The following CALHM5 variants were observed in gnomAD, a reference collection of about 807,000 sequenced individuals.
CALHM5 encodes calcium homeostasis modulator family member 5.
CALHM5 carries 17 observed loss-of-function variants against 20.9 expected under a neutral mutation model. The observed-to-expected ratio is 0.82, with a 90% CI of 0.56 to 1.22. CALHM5 has a LOEUF of 1.22. Ranked by LOEUF, CALHM5 falls within the 50% of genes most tolerant of loss-of-function variation. The pLI, the probability that CALHM5 is intolerant of heterozygous loss-of-function variation, is 0.00. For missense variants in CALHM5, 360 were observed against 364.6 expected (o/e 0.99, Z 0.10); for synonymous variants, 148 against 140.0 (o/e 1.06, Z -0.40).
rs370953630 is a variant in CALHM5, at chr6:116,511,964, A to G, written c.268A>G (p.Arg90Gly). ...CCVNPRKIFPRGHSCRFFYVL... is the reference protein window; with the variant it reads ...CCVNPRKIFPGGHSCRFFYVL... The stretch of plus-strand genomic sequence containing the variant: ...TGTGAATCCCAGGAAAATCTTTCCC[A>G]GAGGCCACAGCTGCCGTTTCTTCTA... Residue 90 changes from arginine to glycine, a missense_variant, in exon 1 of 2, where the codon AGA becomes GGA. Transcript: ENST00000368599. The G allele has an allele frequency of 6.2e-7, 1 of 1,613,904 alleles. No individual in the cohort carries two copies. Among genetic ancestry groups the G allele is most frequent in the Non-Finnish European group, 8.5e-7 (1 of 1,180,014 alleles).
chr6:116,514,654 T>C (rs1772187295), intron 1 of CALHM5, among the ~76,000 whole-genome samples: 1 of 152,142 alleles, frequency 6.6e-6, no homozygotes, highest in Non-Finnish European at 1.5e-5. Flanking sequence ...CAGTCCAGAG[T>C]TGGCATTGGT....
chr6:116,518,086 C>T lies in CALHM5; in HGVS notation c.*2097C>T, dbSNP rs1772262491. The T allele has an allele frequency of 6.6e-6, 1 of 152,098 alleles. No homozygotes were observed. Among genetic ancestry groups the T allele is most frequent in the African/African-American group, 2.4e-5 (1 of 41,426 alleles). 9.4% of individuals were successfully genotyped at this position (152,098 alleles called of 1,614,324 possible). A position where few individuals can be genotyped will look rare whatever the true frequency, so the allele number is the denominator to read the frequency against. ...ATAGACTGATGATAGTAAATAAAGC[C>T]CTTTCCTGAGTTCTGTGAGCTACTC... On this transcript the variant is annotated 3_prime_UTR_variant, in exon 2 of 2. Coordinates refer to ENST00000368599, the MANE Select transcript of CALHM5 (RefSeq NM_153711.5).
rs1241642515 is a variant in CALHM5, at chr6:116,517,331, A to T, written c.*1342A>T. 1 of 152,214 alleles carries T rather than the reference A, an allele frequency of 6.6e-6. No individual in the cohort carries two copies. The highest frequency in any genetic ancestry group is 1.5e-5 in the Non-Finnish European group (1 of 68,042). 9.4% of individuals were successfully genotyped at this position (152,214 alleles called of 1,614,324 possible). A position where few individuals can be genotyped will look rare whatever the true frequency, so the allele number is the denominator to read the frequency against. On this transcript the variant is annotated 3_prime_UTR_variant, in exon 2 of 2. Transcript: ENST00000368599. ...AAAACTGCATTGCAGTCTTACATTT[A>T]TCAGAAATAATGCAAATCTTGCATT...
At position 116,524,783 on chromosome 6, in the gene CALHM5, T is replaced by G. The variant is rs963897014; in HGVS notation, c.*8794T>G. The G allele has an allele frequency of 5.9e-5, 9 of 152,172 alleles. No individual in the cohort carries two copies. The South Asian group carries it at 1.4e-3, about 24-fold the overall frequency. The allele number at this position is 152,172 out of a possible 1,614,324, so 9.4% of individuals were successfully genotyped here. ...TATTTCAATAAAAAAGTTGGAAAAT[T>G]TTCAACTTATTTTCCTTTCTGTGCT... On this transcript the variant is annotated 3_prime_UTR_variant, in exon 2 of 2. Coordinates refer to ENST00000368599, the MANE Select transcript of CALHM5 (RefSeq NM_153711.5).
intron 1 of CALHM5, among the ~76,000 whole-genome samples, chr6:116,512,797 A>G (rs1368380783): frequency 1.3e-5 from 2 of 152,184 alleles, no homozygotes; most frequent in South Asian, 4.1e-4. Context: ...TTTTCCTTGT[A>G]TGGTAGGAAT....
rs1320340728 is a variant in CALHM5, at chr6:116,519,391, A to G, written c.*3402A>G. 1.3e-5 allele frequency: 2 copies of G among 152,210 alleles called. No homozygotes were observed. The highest frequency in any genetic ancestry group is 2.9e-5 in the Non-Finnish European group (2 of 68,090). 9.4% of individuals were successfully genotyped at this position (152,210 alleles called of 1,614,324 possible). A position where few individuals can be genotyped will look rare whatever the true frequency, so the allele number is the denominator to read the frequency against. On this transcript the variant is annotated 3_prime_UTR_variant, in exon 2 of 2. Transcript: ENST00000368599. ...ATCCCAAGTGTGCTCTGGGGCTTCC[A>G]TTGCAGCCAAGAGAGAGCATTCCCC... is the stretch of plus-strand genomic sequence containing the variant.
rs1396190760 is a variant in CALHM5, at chr6:116,522,048, T to A, written c.*6059T>A. On this transcript the variant is annotated 3_prime_UTR_variant, in exon 2 of 2. Coordinates refer to ENST00000368599, the MANE Select transcript of CALHM5 (RefSeq NM_153711.5). ...AGATAAAAAGAGAGAGAGAGAGAGATCCCAATGGCTCCAATTGTCTCAGAT... is the reference window on the plus strand; with the variant it reads ...AGATAAAAAGAGAGAGAGAGAGAGAACCCAATGGCTCCAATTGTCTCAGAT... The A allele has an allele frequency of 6.6e-6, 1 of 151,656 alleles. No homozygotes were observed. Among genetic ancestry groups the A allele is most frequent in the African/African-American group, 2.4e-5 (1 of 41,216 alleles). The allele number at this position is 151,656 out of a possible 1,614,324, so 9.4% of individuals were successfully genotyped here.
rs1167813892 is a variant in CALHM5 at position 116,516,909 on chromosome 6, A to C, written c.*920A>C. Reference sequence around the variant, plus strand: ...TATGTCTTAGTGCGTTTGGGCTACTATAACAAAATATCATAGATAGGTGGC... The same window carrying C: ...TATGTCTTAGTGCGTTTGGGCTACTCTAACAAAATATCATAGATAGGTGGC... On this transcript the variant is annotated 3_prime_UTR_variant, in exon 2 of 2. Transcript: ENST00000368599. 1 of 152,034 alleles carries C rather than the reference A, an allele frequency of 6.6e-6. No homozygotes were observed. Among genetic ancestry groups the C allele is most frequent in the Non-Finnish European group, 1.5e-5 (1 of 68,076 alleles). 9.4% of individuals were successfully genotyped at this position (152,034 alleles called of 1,614,324 possible).
In CALHM5 at chr6:116,521,601, G is replaced by A. The variant is rs770116957; in HGVS notation, c.*5612G>A. The A allele has an allele frequency of 2.0e-5, 3 of 151,976 alleles. No individual in the cohort carries two copies. Among genetic ancestry groups the A allele is most frequent in the Non-Finnish European group, 4.4e-5 (3 of 67,992 alleles). 9.4% of individuals were successfully genotyped at this position (151,976 alleles called of 1,614,324 possible). Reference sequence around the variant, plus strand: ...GCCCTCAATGGATTGTATGGTGCCTGCCCAGGTTAGGTGAGGGCAGATTTT... The same window carrying A: ...GCCCTCAATGGATTGTATGGTGCCTACCCAGGTTAGGTGAGGGCAGATTTT... On this transcript the variant is annotated 3_prime_UTR_variant, in exon 2 of 2. Transcript: ENST00000368599.
Position 116,521,314 on chromosome 6 carries a change from G to A in CALHM5, c.*5325G>A, listed in dbSNP as rs1772335892. The A allele has an allele frequency of 6.6e-6, 1 of 152,114 alleles. No homozygotes were observed. Among genetic ancestry groups the A allele is most frequent in the Non-Finnish European group, 1.5e-5 (1 of 68,036 alleles). The allele number at this position is 152,114 out of a possible 1,614,324, so 9.4% of individuals were successfully genotyped here. ...CCCATGACGTGCCACCTGTAAGCTG[G>A]AGAATCAGGGAAATGTGTAGGGTGG... On this transcript the variant is annotated 3_prime_UTR_variant, in exon 2 of 2. Transcript: ENST00000368599.
Position 116,516,243 on chromosome 6 carries a change from A to T in CALHM5, c.*254A>T. 1 of 359,004 alleles carries T rather than the reference A, an allele frequency of 2.8e-6. No individual in the cohort carries two copies. Among genetic ancestry groups the T allele is most frequent in the East Asian group, 4.3e-5 (1 of 23,028 alleles). The allele number at this position is 359,004 out of a possible 1,614,324, so 22.2% of individuals were successfully genotyped here. A position where few individuals can be genotyped will look rare whatever the true frequency, so the allele number is the denominator to read the frequency against. ...CAGTAGGCCTAAATGTTGCTCCAAG[A>T]TCTAAGATTTTATCATTCAACAGAC... On this transcript the variant is annotated 3_prime_UTR_variant, in exon 2 of 2. Transcript: ENST00000368599.
intron 1 of CALHM5, among the ~76,000 whole-genome samples, chr6:116,514,714 G>A (rs1420018337): frequency 6.6e-6 from 1 of 152,118 alleles, no homozygotes; most frequent in Non-Finnish European, 1.5e-5. Context: ...TCAAAGGTTG[G>A]GAACCACTGA....
chr6:116,522,476 G>A lies in CALHM5; in HGVS notation c.*6487G>A, dbSNP rs1040083069. On this transcript the variant is annotated 3_prime_UTR_variant, in exon 2 of 2. Transcript: ENST00000368599. ...TATACATTCTCCCTATGCATAGAGA[G>A]CATTTTCTTCAATCATGTTTTCTTT... 6 of 152,188 alleles carry A rather than the reference G, an allele frequency of 3.9e-5. No individual in the cohort carries two copies. The highest frequency in any genetic ancestry group is 8.8e-5 in the Non-Finnish European group (6 of 68,052). 9.4% of individuals were successfully genotyped at this position (152,188 alleles called of 1,614,324 possible).
In CALHM5 at chr6:116,524,642, A is replaced by G. The variant is rs1397004312; in HGVS notation, c.*8653A>G. 1 of 151,950 alleles carries G rather than the reference A, an allele frequency of 6.6e-6. No individual in the cohort carries two copies. The allele number at this position is 151,950 out of a possible 1,614,324, so 9.4% of individuals were successfully genotyped here. Reference sequence around the variant, plus strand: ...ACAAGATGTTTTATCCTATATTCTCATTGGTTTCTTTATCTTTCATGTCCA... The same window carrying G: ...ACAAGATGTTTTATCCTATATTCTCGTTGGTTTCTTTATCTTTCATGTCCA... On this transcript the variant is annotated 3_prime_UTR_variant, in exon 2 of 2. Transcript: ENST00000368599.
Position 116,515,832 on chromosome 6 carries a change from C to A in CALHM5, c.773C>A (p.Thr258Lys), listed in dbSNP as rs200089126. The A allele has an allele frequency of 6.2e-7, 1 of 1,613,838 alleles. No individual in the cohort carries two copies. Among genetic ancestry groups the A allele is most frequent in the African/African-American group, 1.3e-5 (1 of 74,878 alleles). ...NKRPDPFPMPTFAAWEAASEL... is the reference protein window; with the variant it reads ...NKRPDPFPMPKFAAWEAASEL... ...AGGCCAGATCCTTTTCCCATGCCTA[C>A]GTTTGCTGCCTGGGAGGCTGCTTCA... The change falls in exon 2 of 2, where the codon ACG becomes AAG. Residue 258 changes from threonine (T) to lysine (K), a missense_variant. Thr to Lys is a moderately conservative substitution (Grantham distance 78). Transcript: ENST00000368599.
intron 1 of CALHM5, among the ~76,000 whole-genome samples, chr6:116,514,564 C>T (rs1303110035): frequency 6.6e-6 from 1 of 152,168 alleles, no homozygotes; most frequent in Admixed American, 6.6e-5. Context: ...GTGAGTAACC[C>T]TCGTTTCACA....
rs530247464 is a variant in CALHM5 at position 116,517,939 on chromosome 6, T to C, written c.*1950T>C. ...ATCTAAAGGACAAGGTTCAGAGAGC[T>C]TCTGCATTGCTCAATACATGAGGAG... On this transcript the variant is annotated 3_prime_UTR_variant, in exon 2 of 2. Coordinates refer to ENST00000368599, the MANE Select transcript of CALHM5 (RefSeq NM_153711.5). 1.3e-5 allele frequency: 2 copies of C among 152,336 alleles called. No individual in the cohort carries two copies. The highest frequency in any genetic ancestry group is 4.8e-5 in the African/African-American group (2 of 41,578). 9.4% of individuals were successfully genotyped at this position (152,336 alleles called of 1,614,324 possible).
Position 116,524,170 on chromosome 6 carries a change from G to A in CALHM5, c.*8181G>A, listed in dbSNP as rs890844024. 9.6e-5 allele frequency: 8 copies of A among 83,210 alleles called. No individual in the cohort carries two copies. Among genetic ancestry groups the A allele is most frequent in the African/African-American group, 2.9e-4 (7 of 24,288 alleles). The allele number at this position is 83,210 out of a possible 1,614,324, so 5.2% of individuals were successfully genotyped here. Reference sequence around the variant, plus strand: ...CTAGAAGTTTCTTTAAAATACTCTAGAAAAAAGAGTTTAGGGAGAAAGCTG... The same window carrying A: ...CTAGAAGTTTCTTTAAAATACTCTAAAAAAAAGAGTTTAGGGAGAAAGCTG... On this transcript the variant is annotated 3_prime_UTR_variant, in exon 2 of 2. Transcript: ENST00000368599.
In CALHM5 at chr6:116,521,056, G is replaced by C. The variant is rs1466398955; in HGVS notation, c.*5067G>C. The C allele has an allele frequency of 6.6e-6, 1 of 151,724 alleles. No individual in the cohort carries two copies. The highest frequency in any genetic ancestry group is 6.6e-5 in the Admixed American group (1 of 15,214). The allele number at this position is 151,724 out of a possible 1,614,324, so 9.4% of individuals were successfully genotyped here. A position where few individuals can be genotyped will look rare whatever the true frequency, so the allele number is the denominator to read the frequency against. On this transcript the variant is annotated 3_prime_UTR_variant, in exon 2 of 2. Transcript: ENST00000368599. The stretch of plus-strand genomic sequence containing the variant: ...GAGAAACAGAACCAACAGTACAACA[G>C]TATATATACATACATACATATATAT...
Sources: gnomAD v4.1 joint callset for allele counts (sites outside exome capture counted in the v4.1 genomes callset) on GRCh38, gnomAD v4.1.1 for gene constraint, MANE v1.5 for transcripts, NCBI Gene and HGNC (gene_info 2026-07-23, HGNC 2026-07-21) for gene names.